Variants in ADAM28 observed in about 807,000 individuals in gnomAD.
ADAM28 encodes ADAM metallopeptidase domain 28, also known as disintegrin and metalloproteinase domain-containing protein 28.
Under a neutral mutation model 101.2 loss-of-function variants are expected in ADAM28, and 105 were observed. The ratio of observed to expected loss-of-function variants is 1.04; its 90% CI spans 0.89 to 1.22. The LOEUF (loss-of-function observed/expected upper bound fraction) is 1.22. ADAM28 is among the 50% of genes most tolerant of loss of function. The pLI, the probability that ADAM28 is intolerant of heterozygous loss-of-function variation, is 0.00. For missense variants in ADAM28, 1,028 were observed against 945.4 expected (o/e 1.09, Z -1.15); for synonymous variants, 322 against 310.6 (o/e 1.04, Z -0.39).
chr8:24,302,071 A>G lies in ADAM28; in HGVS notation c.150+1994A>G, dbSNP rs10102028. ...GTTTTAAGCCCAGCATGCATTAGCT[A>G]TTTTTCCTGATGTTCTCCCTTGCCC... On this transcript the variant is annotated intron_variant, in intron 2 of 22. Transcript: ENST00000265769. Among the ~76,000 whole-genome samples the G allele has an allele frequency of 7.7e-3, 1,172 of 152,024 alleles. 16 individuals carry two copies. Among genetic ancestry groups the G allele is most frequent in the African/African-American group, 0.026 (1,096 of 41,458 alleles).
chr8:24,311,516 A>C, intron 5 of ADAM28, 79 bp downstream of exon 5: 1 of 1,116,278 alleles, frequency 9.0e-7, no homozygotes, highest in Non-Finnish European at 1.3e-6. Context: ...ATGAATCCCA[A>C]ATATCATTAA....
intron 6 of ADAM28, among the ~76,000 whole-genome samples, chr8:24,316,061 C>CATTTATTTATTT (rs1008297441): frequency 1.6e-4 from 20 of 122,498 alleles, no homozygotes; most frequent in South Asian, 4.5e-4. Flanking sequence ...TCATAAAGGC[C>CATTTATTTATTT]ATTTATTTAT....
chr8:24,311,523 T>C (rs1418745324), intron 5 of ADAM28, 86 bp downstream of exon 5: 16 of 1,025,936 alleles, frequency 1.6e-5, no homozygotes, highest in Non-Finnish European at 1.4e-6. Context: ...CCAAATATCA[T>C]TAATTTTTAT....
chr8:24,331,804 C>A (rs939366079), intron 12 of ADAM28, among the ~76,000 whole-genome samples: 2 of 152,068 alleles, frequency 1.3e-5, no homozygotes, highest in African/African-American at 4.8e-5. Context: ...CTGGTTCATC[C>A]CTTACTGCTT....
chr8:24,326,110 C>T (rs780744840), intron 9 of ADAM28, among the ~76,000 whole-genome samples: 1 of 151,348 alleles, frequency 6.6e-6, no homozygotes, highest in African/African-American at 2.4e-5. Context: ...CAAAATGGGC[C>T]CAATCCCTAA....
chr8:24,321,354 A>G (rs1176124009), intron 8 of ADAM28, 65 bp downstream of exon 8: 19 of 1,260,426 alleles, frequency 1.5e-5, no homozygotes, highest in Non-Finnish European at 1.7e-5. Context: ...GGGTTTTTCA[A>G]TGAACGCACA....
chr8:24,327,159 C>T (rs1253468272), intron 10 of ADAM28, among the ~76,000 whole-genome samples: 1 of 152,032 alleles, frequency 6.6e-6, no homozygotes, highest in Non-Finnish European at 1.5e-5. Context: ...ATCGTATCAG[C>T]CAAAAATATC....
chr8:24,345,494 T>A (rs2129332921), intron 18 of ADAM28, among the ~76,000 whole-genome samples: 1 of 152,188 alleles, frequency 6.6e-6, no homozygotes. Context: ...TTAAAATTAT[T>A]CAGTGGCATT....
At chr8:24,352,215 T>TA (rs1237150262) in intron 21 of ADAM28, among the ~76,000 whole-genome samples, 163 bp downstream of exon 21, 3 of 152,146 alleles carry the variant, frequency 2.0e-5, no homozygotes, top group Non-Finnish European at 4.4e-5. Flanking sequence ...TTTGAAAATA[T>TA]AAAAAAATGA....
At chr8:24,333,159 G>A (rs1813584317) in intron 13 of ADAM28, among the ~76,000 whole-genome samples, 1 of 152,152 alleles carries the variant, frequency 6.6e-6, no homozygotes, top group Non-Finnish European at 1.5e-5. Context: ...TTTACCAAGG[G>A]CAAGGAGGCT....
intron 18 of ADAM28, among the ~76,000 whole-genome samples, chr8:24,344,269 C>T (rs1342991962): frequency 6.6e-6 from 1 of 152,118 alleles, no homozygotes; most frequent in Non-Finnish European, 1.5e-5. Context: ...GAGGAGGGAG[C>T]TCATCACCAC....
intron 7 of ADAM28, among the ~76,000 whole-genome samples, chr8:24,320,676 T>A (rs534775986): frequency 1.4e-4 from 22 of 152,150 alleles, no homozygotes; most frequent in Non-Finnish European, 2.5e-4. Flanking sequence ...AAAAGCTTAA[T>A]TGGTCACAAT....
At position 24,356,240 on chromosome 8, in the gene ADAM28, A is replaced by AAG. The variant is rs1226598650; in HGVS notation, c.*1836_*1837insAG. 24 of 152,170 alleles carry AAG rather than the reference A, an allele frequency of 1.6e-4. No homozygotes were observed. Among genetic ancestry groups the AAG allele is most frequent in the African/African-American group, 5.8e-4 (24 of 41,444 alleles). The allele number at this position is 152,170 out of a possible 1,614,324, so 9.4% of individuals were successfully genotyped here. On this transcript the variant is annotated 3_prime_UTR_variant, in exon 23 of 23. Transcript: ENST00000265769. Reference sequence around the variant, plus strand: ...AATCCCTATTTCCTGGAAAGCCATTATGTACTCGTGACCAACTTGTGAACT... The same window carrying AAG: ...AATCCCTATTTCCTGGAAAGCCATTAAGTGTACTCGTGACCAACTTGTGAACT...
chr8:24,325,151 A>G (rs963140557), intron 9 of ADAM28: 1 of 152,010 alleles, frequency 6.6e-6, no homozygotes, highest in Non-Finnish European at 1.5e-5. Context: ...CTAAGGTCTC[A>G]TAGCTGGTAA....
In ADAM28 at chr8:24,313,393, A is replaced by G. The variant is rs886625998; in HGVS notation, c.389A>G (p.Tyr130Cys). ...GAACTCTCATGTTTTTTCAGGGGCT[A>G]CTTCAGTCAGGGGGATCAAAGATAC... ...SISTCRGLRG[Y>C]FSQGDQRYFI... The change falls in exon 6 of 23, where the codon TAC becomes TGC. Residue 130 changes from tyrosine (Y) to cysteine (C), a missense_variant. By Grantham distance (194) the Tyr-to-Cys change is radical (BLOSUM62 -2). Transcript: ENST00000265769. The G allele has an allele frequency of 4.4e-6, 7 of 1,608,578 alleles. No homozygotes were observed. The highest frequency in any genetic ancestry group is 5.1e-6 in the Non-Finnish European group (6 of 1,177,872).
rs750116515 is a variant in ADAM28 at position 24,351,301 on chromosome 8, AC to A, written c.2173del (p.Gln725LysfsTer3). 29 of 1,613,364 alleles carry A rather than the reference AC, an allele frequency of 1.8e-5. No individual in the cohort carries two copies. The East Asian group carries it at 5.3e-4, about 30-fold the overall frequency. On this transcript the variant is annotated frameshift_variant, in exon 20 of 23. Coordinates refer to ENST00000265769, the MANE Select transcript of ADAM28 (RefSeq NM_014265.6). LOFTEE classifies it high-confidence loss of function. The part of the protein sequence containing the change: ...RKPQMVKAVQ[P>X]QEMSQMKPHV... ...AACCCCAGATGGTAAAGGCTGTTCA[AC>A]CCCAAGAGGTGAACTATATAGTCTG... is the stretch of plus-strand genomic sequence containing the variant.
chr8:24,300,183 T>A, intron 2 of ADAM28, 106 bp downstream of exon 2: 3 of 911,278 alleles, frequency 3.3e-6, no homozygotes, highest in Non-Finnish European at 4.9e-6. Context: ...TACATGTATG[T>A]TTATATATGT....
At chr8:24,328,381 C>T (rs1812904841) in intron 10 of ADAM28, among the ~76,000 whole-genome samples, 1 of 151,700 alleles carries the variant, frequency 6.6e-6, no homozygotes, top group African/African-American at 2.4e-5. Context: ...TTTCTACATC[C>T]TAGATAGAAA....
At chr8:24,351,164 T>C in intron 19 of ADAM28, 68 bp from the exon 20 acceptor site, 1 of 1,281,782 alleles carries the variant, frequency 7.8e-7, no homozygotes, top group Non-Finnish European at 1.1e-6. Flanking sequence ...GGGAATCTTC[T>C]ACGGAGTTTC....
Sources: allele counts gnomAD v4.1 joint callset (sites outside exome capture counted in the v4.1 genomes callset), GRCh38; gene constraint gnomAD v4.1.1; transcripts MANE v1.5; gene names NCBI Gene and HGNC (gene_info 2026-07-23, HGNC 2026-07-21).